Variants in GDAP1L1 observed in about 807,000 individuals in gnomAD.
GDAP1L1 encodes ganglioside-induced differentiation-associated protein 1-like 1.
GDAP1L1 carries 21 observed loss-of-function variants against 37.1 expected under a neutral mutation model. The observed-to-expected ratio is 0.57, with a 90% CI of 0.40 to 0.81. GDAP1L1 has a LOEUF of 0.81. GDAP1L1 is among the 40% of genes least tolerant of loss of function. The pLI is 0.00. For missense variants in GDAP1L1, 362 were observed against 491.6 expected, an observed-to-expected ratio of 0.74 and a Z score of 2.49; for synonymous variants, 193 against 209.1, an observed-to-expected ratio of 0.92 and a Z score of 0.67.
chr20:44,279,730 C>G lies in GDAP1L1; in HGVS notation c.*430C>G, dbSNP rs1418018178. ...TTCCCTCTTGCCCAGGGAACTCTTC[C>G]ACAGGACAAAGCCGACATCAAGACT... On this transcript the variant is annotated 3_prime_UTR_variant, in exon 6 of 6. Coordinates refer to ENST00000342560, the MANE Select transcript of GDAP1L1 (RefSeq NM_024034.6). 1.1e-5 allele frequency: 5 copies of G among 473,078 alleles called. No individual in the cohort carries two copies. Among genetic ancestry groups the G allele is most frequent in the Non-Finnish European group, 2.2e-5 (5 of 228,242 alleles). 29.3% of individuals were successfully genotyped at this position (473,078 alleles called of 1,614,324 possible). A position where few individuals can be genotyped will look rare whatever the true frequency, so the allele number is the denominator to read the frequency against.
At chr20:44,249,783 T>C (rs1008623489) in intron 1 of GDAP1L1, among the ~76,000 whole-genome samples, 1 of 152,222 alleles carries the variant, frequency 6.6e-6, no homozygotes, top group Non-Finnish European at 1.5e-5. Context: ...GGGCCCATGG[T>C]GGATTCTAGA....
chr20:44,273,596 C>T (rs1019278791), intron 5 of GDAP1L1, among the ~76,000 whole-genome samples: 1 of 152,212 alleles, frequency 6.6e-6, no homozygotes, highest in Non-Finnish European at 1.5e-5. Flanking sequence ...CCTTGTTGAA[C>T]CCAGCTCTCC....
chr20:44,276,653 TAC>T (rs574133116), intron 5 of GDAP1L1, among the ~76,000 whole-genome samples: 105 of 151,188 alleles, frequency 6.9e-4, no homozygotes, highest in African/African-American at 2.2e-3. Flanking sequence ...CTGTTAATGA[TAC>T]AGTTTATTTT....
At chr20:44,264,358 A>C in intron 4 of GDAP1L1, 87 bp from the exon 5 acceptor site, 1 of 1,345,834 alleles carries the variant, frequency 7.4e-7, no homozygotes, top group Non-Finnish European at 9.5e-7. Context: ...GGTTTGCAGA[A>C]GAAGTTCAGC....
rs574603419 is a variant in GDAP1L1 at position 44,279,743 on chromosome 20, C to T, written c.*443C>T. The T allele has an allele frequency of 7.8e-5, 37 of 472,504 alleles. No individual in the cohort carries two copies. Among genetic ancestry groups the T allele is most frequent in the African/African-American group, 5.6e-4 (28 of 50,238 alleles). The allele number at this position is 472,504 out of a possible 1,614,324, so 29.3% of individuals were successfully genotyped here. A position where few individuals can be genotyped will look rare whatever the true frequency, so the allele number is the denominator to read the frequency against. ...AGGGAACTCTTCCACAGGACAAAGC[C>T]GACATCAAGACTCAACTCCTCTAAC... On this transcript the variant is annotated 3_prime_UTR_variant, in exon 6 of 6. Coordinates refer to ENST00000342560, the MANE Select transcript of GDAP1L1 (RefSeq NM_024034.6).
intron 5 of GDAP1L1, among the ~76,000 whole-genome samples, chr20:44,278,248 C>T (rs1283764818): frequency 6.6e-6 from 1 of 151,720 alleles, no homozygotes; most frequent in Non-Finnish European, 1.5e-5. Context: ...GGTTCCATTA[C>T]TGAGATGGGG....
chr20:44,251,016 T>C (rs560073378), intron 1 of GDAP1L1, among the ~76,000 whole-genome samples: 2 of 152,154 alleles, frequency 1.3e-5, no homozygotes, highest in East Asian at 1.9e-4. Flanking sequence ...CCCGTTGACT[T>C]TGGGGCATCC....
intron 5 of GDAP1L1, among the ~76,000 whole-genome samples, chr20:44,274,568 G>A (rs1411123876): frequency 6.6e-6 from 1 of 152,204 alleles, no homozygotes; most frequent in African/African-American, 2.4e-5. Flanking sequence ...TGTGAACACA[G>A]CTGAGCACTG....
intron 2 of GDAP1L1, 117 bp downstream of exon 2, chr20:44,257,462 G>C: frequency 1.9e-6 from 2 of 1,069,674 alleles, no homozygotes; most frequent in African/African-American, 1.6e-5. Flanking sequence ...TGGAGCCATG[G>C]GCAAGGCCCA....
intron 5 of GDAP1L1, among the ~76,000 whole-genome samples, chr20:44,272,116 G>C (rs556606911): frequency 1.1e-4 from 16 of 152,288 alleles, no homozygotes; most frequent in Non-Finnish European, 1.3e-4. Flanking sequence ...CATGAGCCCC[G>C]GGGGGTGGAG....
chr20:44,272,331 G>T (rs1402740114), intron 5 of GDAP1L1, among the ~76,000 whole-genome samples: 3 of 152,178 alleles, frequency 2.0e-5, no homozygotes, highest in Non-Finnish European at 4.4e-5. Context: ...GGGGAGTGTG[G>T]GCTTTCATCT....
chr20:44,264,060 G>A (rs2073720373), intron 4 of GDAP1L1, among the ~76,000 whole-genome samples: 1 of 152,124 alleles, frequency 6.6e-6, no homozygotes, highest in South Asian at 2.1e-4. Context: ...TTGAAGTAAG[G>A]GGCCAGCCTT....
intron 5 of GDAP1L1, among the ~76,000 whole-genome samples, chr20:44,268,341 T>TGAG (rs1408618923): frequency 6.6e-6 from 1 of 152,186 alleles, no homozygotes; most frequent in Non-Finnish European, 1.5e-5. Context: ...TAGTAAATGT[T>TGAG]GAGTATTTTG....
At chr20:44,272,646 TAGAGGAGAAG>T (rs1447003789) in intron 5 of GDAP1L1, among the ~76,000 whole-genome samples, 9 of 151,578 alleles carry the variant, frequency 5.9e-5, no homozygotes, top group Admixed American at 3.3e-4. Flanking sequence ...AACACACAAG[TAGAGGAGAAG>T]AGAGGAGAAC....
Position 44,247,340 on chromosome 20 carries a change from G to T in GDAP1L1, c.6G>T (p.Ala2=). 1 of 1,613,492 alleles carries T rather than the reference G, an allele frequency of 6.2e-7. No individual in the cohort carries two copies. The highest frequency in any genetic ancestry group is 2.2e-5 in the East Asian group (1 of 44,848). The stretch of plus-strand genomic sequence containing the variant: ...GCCTCTGATTCCGGGCTGTCATGGC[G>T]ACCCCCAACAATCTGACCCCCACCA... M[A]TPNNLTPTNC... is the part of the protein sequence containing the mutation. Residue 2 remains alanine, a synonymous_variant, in exon 1 of 6, where the codon GCG becomes GCT. Coordinates refer to ENST00000342560, the MANE Select transcript of GDAP1L1 (RefSeq NM_024034.6).
chr20:44,261,958 G>C (rs1314543018), intron 3 of GDAP1L1, among the ~76,000 whole-genome samples: 2 of 152,172 alleles, frequency 1.3e-5, no homozygotes, highest in Non-Finnish European at 2.9e-5. Context: ...CACATTCAGG[G>C]AACAGCAAGC....
In GDAP1L1 at chr20:44,279,242, G is replaced by A. The variant is rs1402814114; in HGVS notation, c.1046G>A (p.Gly349Asp). ...PSFFGASFLM[G>D]SLGGMGYFAY... ...TTCTTCGGGGCGTCCTTCCTCATGG[G>A]CTCCCTGGGTGGGATGGGCTACTTT... The change falls in exon 6 of 6, where the codon GGC (glycine) becomes GAC (aspartate). Residue 349 changes from glycine to aspartate, a missense_variant. Physicochemically the swap from Gly to Asp is moderately conservative, Grantham distance 94 (BLOSUM62 -1). This residue lies in a region of GDAP1L1 where 85 missense variants were observed against 154.4 expected (regional missense o/e 0.55). Transcript: ENST00000342560. 2.5e-6 allele frequency: 4 copies of A among 1,613,874 alleles called. No individual in the cohort carries two copies. Among genetic ancestry groups the A allele is most frequent in the African/African-American group, 2.7e-5 (2 of 74,868 alleles).
At chr20:44,247,292 G>A, upstream of GDAP1L1, 1 of 1,602,708 alleles carries the variant, frequency 6.2e-7, no homozygotes, top group Non-Finnish European at 8.5e-7. Context: ...GAGAGCCGCC[G>A]CGCCGGAGCC....
At chr20:44,277,920 G>A (rs1218805871) in intron 5 of GDAP1L1, among the ~76,000 whole-genome samples, 2 of 152,090 alleles carry the variant, frequency 1.3e-5, no homozygotes, top group African/African-American at 2.4e-5. Flanking sequence ...TTGGGAGACC[G>A]AGGTGGGCGG....
Sources: allele counts gnomAD v4.1 joint callset (sites outside exome capture counted in the v4.1 genomes callset), GRCh38; gene constraint gnomAD v4.1.1; regional missense constraint gnomAD v4.1.1; transcripts MANE v1.5; gene names NCBI Gene and HGNC (gene_info 2026-07-23, HGNC 2026-07-21).